EIF2B3: variants seen among roughly 807,000 people sequenced by gnomAD.
The protein encoded by EIF2B3 is eukaryotic translation initiation factor 2B subunit gamma, also known as translation initiation factor eIF2B subunit gamma.
A neutral mutation model predicts 54.1 loss-of-function variants in EIF2B3; 20 were observed. The ratio of observed to expected loss-of-function variants is 0.37; its 90% CI spans 0.26 to 0.54. The LOEUF is 0.54. Among genes scored for constraint, EIF2B3 ranks in the 20% least tolerant of loss-of-function variants. The pLI is 0.86. For missense variants in EIF2B3, 448 were observed against 547.8 expected, an observed-to-expected ratio of 0.82 and a Z score of 1.82; for synonymous variants, 153 against 188.1, an observed-to-expected ratio of 0.81 and a Z score of 1.52.
At chr1:44,855,103 A>AG (rs1557657066) in intron 11 of EIF2B3, among the ~76,000 whole-genome samples, 2 of 151,930 alleles carry the variant, frequency 1.3e-5, no homozygotes, top group African/African-American at 4.8e-5. Context: ...AAAAAAAAAA[A>AG]AAGAAGAAGT....
intron 6 of EIF2B3, among the ~76,000 whole-genome samples, chr1:44,893,870 G>A (rs1655881707): frequency 6.6e-6 from 1 of 152,062 alleles, no homozygotes; most frequent in Non-Finnish European, 1.5e-5. Context: ...GTGGGGAGCG[G>A]GGGAGGTTCT....
At chr1:44,857,026 T>C (rs978266793) in intron 11 of EIF2B3, among the ~76,000 whole-genome samples, 2 of 152,038 alleles carry the variant, frequency 1.3e-5, no homozygotes, top group Middle Eastern at 3.2e-3. Flanking sequence ...GCTCAAGCGA[T>C]CCTCACATTT....
chr1:44,974,969 C>G (rs1364479527), intron 3 of EIF2B3, among the ~76,000 whole-genome samples: 1 of 151,168 alleles, frequency 6.6e-6, no homozygotes, highest in East Asian at 2.0e-4. Context: ...TATCCCAGCA[C>G]TTTAGGAGAC....
chr1:44,919,883 CTTT>C (rs1194645004), intron 5 of EIF2B3, among the ~76,000 whole-genome samples: 4 of 117,230 alleles, frequency 3.4e-5, no homozygotes, highest in African/African-American at 6.1e-5. Context: ...TGCCTGGCTA[CTTT>C]TTTTTTTTTT....
intron 5 of EIF2B3, among the ~76,000 whole-genome samples, chr1:44,897,882 G>A (rs1656029873): frequency 6.6e-6 from 1 of 151,256 alleles, no homozygotes; most frequent in Non-Finnish European, 1.5e-5. Context: ...AACTATAGTT[G>A]TACACCACCA....
chr1:44,888,708 G>C (rs1284851328), intron 6 of EIF2B3, among the ~76,000 whole-genome samples: 2 of 152,260 alleles, frequency 1.3e-5, no homozygotes, highest in East Asian at 3.9e-4. Context: ...GCTCAAGACG[G>C]CCCAGCAAGC....
At chr1:44,917,294 G>A (rs1643642077) in intron 5 of EIF2B3, among the ~76,000 whole-genome samples, 1 of 152,012 alleles carries the variant, frequency 6.6e-6, no homozygotes, top group African/African-American at 2.4e-5. Context: ...AGGAGTTTGA[G>A]ACCAGCCTGA....
intron 11 of EIF2B3, among the ~76,000 whole-genome samples, chr1:44,856,597 A>G (rs1450449153): frequency 6.6e-6 from 1 of 151,104 alleles, no homozygotes; most frequent in African/African-American, 2.4e-5. Flanking sequence ...GTGCACAGCC[A>G]CTAAGTTGAG....
chr1:44,970,348 TTGTC>T (rs1435385263), intron 3 of EIF2B3, among the ~76,000 whole-genome samples: 1 of 152,212 alleles, frequency 6.6e-6, no homozygotes. Flanking sequence ...ACTCTGGCCT[TTGTC>T]TGAGAACAGA....
chr1:44,918,187 G>A (rs893069100), intron 5 of EIF2B3, among the ~76,000 whole-genome samples: 4 of 145,000 alleles, frequency 2.8e-5, no homozygotes, highest in Non-Finnish European at 4.5e-5. Context: ...AAGTTCAAGC[G>A]ATTCTCCTGC....
chr1:44,874,126 T>C (rs1282457687), intron 10 of EIF2B3, among the ~76,000 whole-genome samples: 1 of 152,226 alleles, frequency 6.6e-6, no homozygotes, highest in Non-Finnish European at 1.5e-5. Flanking sequence ...TTTTGGGTTT[T>C]TGGATTAGGG....
intron 5 of EIF2B3, among the ~76,000 whole-genome samples, chr1:44,919,131 T>C (rs1643685942): frequency 6.6e-6 from 1 of 152,070 alleles, no homozygotes; most frequent in Non-Finnish European, 1.5e-5. Context: ...GTGGATCACT[T>C]GAGGTCAGGA....
chr1:44,908,930 T>C (rs528770548), intron 5 of EIF2B3, among the ~76,000 whole-genome samples: 174 of 152,100 alleles, frequency 1.1e-3, no homozygotes, highest in African/African-American at 3.8e-3. Context: ...GACAGGAGAA[T>C]GGTGATGGTA....
At chr1:44,944,400 CAGG>C (rs1644073905) in intron 3 of EIF2B3, among the ~76,000 whole-genome samples, 2 of 151,632 alleles carry the variant, frequency 1.3e-5, no homozygotes, top group South Asian at 4.2e-4. Context: ...GATGCCAAGG[CAGG>C]AGGACTGCAT....
chr1:44,863,864 T>C (rs1654687325), intron 10 of EIF2B3, among the ~76,000 whole-genome samples: 1 of 152,228 alleles, frequency 6.6e-6, no homozygotes, highest in African/African-American at 2.4e-5. Flanking sequence ...CCAGGTTAAT[T>C]CAGGTAATGA....
At chr1:44,978,748 C>T (rs1644481539) in intron 2 of EIF2B3, among the ~76,000 whole-genome samples, 2 of 150,456 alleles carry the variant, frequency 1.3e-5, no homozygotes, top group South Asian at 4.2e-4. Context: ...GCAATCCTCC[C>T]ACCTCAGCCT....
rs193138348 is a variant in EIF2B3, at chr1:44,963,125, G to T, written c.294+15190C>A. 2.4e-4 allele frequency among the ~76,000 whole-genome samples: 36 copies of T among 151,866 alleles called. 1 individual carries two copies. In the South Asian group the frequency reaches 4.2e-3, roughly 18 times the overall value. ...AGTTACTGGGGAGGCTGAGGTGAGAGGATCACCTGATCCCAGGAGGCTGAG... is the reference window on the plus strand; with the variant it reads ...AGTTACTGGGGAGGCTGAGGTGAGATGATCACCTGATCCCAGGAGGCTGAG... On this transcript the variant is annotated intron_variant, in intron 3 of 11. Coordinates refer to ENST00000360403, the MANE Select transcript of EIF2B3 (RefSeq NM_020365.5).
chr1:44,859,216 G>T (rs960594228), intron 10 of EIF2B3, among the ~76,000 whole-genome samples: 1 of 152,116 alleles, frequency 6.6e-6, no homozygotes, highest in Non-Finnish European at 1.5e-5. Context: ...TAGGAGGATC[G>T]CTTAAGCAAA....
chr1:44,854,215 C>T (rs1654368707), intron 11 of EIF2B3, among the ~76,000 whole-genome samples: 1 of 152,022 alleles, frequency 6.6e-6, no homozygotes, highest in Admixed American at 6.6e-5. Flanking sequence ...GTTGGCTGGG[C>T]TGGTCTCGAA....
Sources: allele counts gnomAD v4.1 joint callset (sites outside exome capture counted in the v4.1 genomes callset), GRCh38; gene constraint gnomAD v4.1.1; transcripts MANE v1.5; gene names NCBI Gene and HGNC (gene_info 2026-07-23, HGNC 2026-07-21).